The following MME variants were observed in gnomAD, a reference collection of about 807,000 sequenced individuals.
MME encodes membrane metalloendopeptidase.
In MME, 98 loss-of-function variants were observed where a neutral mutation model predicts 113.2. That is an observed-to-expected ratio of 0.87 (90% CI 0.74 to 1.02). MME has a LOEUF of 1.02. MME is among the 50% of genes least tolerant of loss of function. The probability of loss-of-function intolerance (pLI) is 0.00; values close to 1 mark genes in which losing one functional copy is unlikely to be tolerated. For missense variants in MME, 836 were observed against 896.0 expected (o/e 0.93, Z 0.86); for synonymous variants, 292 against 300.6 (o/e 0.97, Z 0.30).
At chr3:155,089,876 C>G (rs570513588) in intron 3 of MME, 1 of 451,916 alleles carries the variant, frequency 2.2e-6, no homozygotes, top group South Asian at 1.6e-5. Context: ...AGGAGAATTG[C>G]TTGAACCCAG....
At chr3:155,115,203 T>C in intron 4 of MME, 48 bp downstream of exon 4, 2 of 1,597,762 alleles carry the variant, frequency 1.3e-6, no homozygotes, top group Non-Finnish European at 1.7e-6. Flanking sequence ...TCTTAATATG[T>C]TCATTTTTTA....
chr3:155,077,938 C>T (rs1019539875), upstream of MME, among the ~76,000 whole-genome samples: 2 of 151,308 alleles, frequency 1.3e-5, no homozygotes, highest in African/African-American at 4.9e-5. Flanking sequence ...GGCATGATTG[C>T]TAACACCTGT....
At position 155,116,870 on chromosome 3, in the gene MME, G is replaced by T. The variant is rs202185476; in HGVS notation, c.538G>T (p.Ala180Ser). 39 of 1,598,760 alleles carry T rather than the reference G, an allele frequency of 2.4e-5. No individual in the cohort carries two copies. The highest frequency in any genetic ancestry group is 3.3e-5 in the Non-Finnish European group (39 of 1,166,448). ...TATTTTATCTTTTATTGCTTTAGGT[G>T]CTTCTTGGACAGCTGAAAAAGCTAT... ...ATENWEQKYG[A>S]SWTAEKAIAQ... The change falls in exon 7 of 23, where the codon GCT becomes TCT. Residue 180 changes from alanine to serine, a missense_variant and splice_region_variant. Transcript: ENST00000360490.
intron 1 of MME, among the ~76,000 whole-genome samples, chr3:155,030,685 T>C (rs1712941959): frequency 1.3e-5 from 2 of 152,236 alleles, no homozygotes; most frequent in Non-Finnish European, 2.9e-5. Flanking sequence ...TGCCAAGCAA[T>C]CCTCACAAGA....
chr3:155,122,396 G>GT (rs1719230915), intron 8 of MME, among the ~76,000 whole-genome samples: 1 of 131,688 alleles, frequency 7.6e-6, no homozygotes, highest in Non-Finnish European at 1.6e-5. Context: ...TTTTTGAAGG[G>GT]TTTTTTGTGT....
At chr3:155,130,397 TA>T (rs1433060007) in intron 8 of MME, among the ~76,000 whole-genome samples, 1 of 152,020 alleles carries the variant, frequency 6.6e-6, no homozygotes, top group Admixed American at 6.5e-5. Flanking sequence ...TTTGAGAGCA[TA>T]AGGAGGCGGG....
chr3:155,079,624 A>AGGGGGGGGG (rs1559902583), upstream of MME: 2 of 1,906 alleles, frequency 1.0e-3, no homozygotes, highest in Admixed American at 5.7e-3. Context: ...GAGGCGGGGT[A>AGGGGGGGGG]GGGGGTGGGG....
chr3:155,152,844 G>GA (rs112860597), intron 16 of MME, among the ~76,000 whole-genome samples: 217 of 139,480 alleles, frequency 1.6e-3, no homozygotes, highest in African/African-American at 4.1e-3. Context: ...CCGTCTCAAA[G>GA]AAAAAAAAAA....
At position 155,118,824 on chromosome 3, in the gene MME, A is replaced by G; in HGVS notation, c.720+13A>G. On this transcript the variant is annotated intron_variant, in intron 8 of 22. Transcript: ENST00000360490. ...AATCTATAAAGAGGTAAAAAGAAAAAAAATAATCAAAACCAAACTACAAAA... is the reference window on the plus strand; with the variant it reads ...AATCTATAAAGAGGTAAAAAGAAAAGAAATAATCAAAACCAAACTACAAAA... 6.6e-7 allele frequency: 1 copy of G among 1,506,022 alleles called. No individual in the cohort carries two copies. Among genetic ancestry groups the G allele is most frequent in the East Asian group, 2.3e-5 (1 of 43,196 alleles). The allele number at this position is 1,506,022 out of a possible 1,614,324, so 93.3% of individuals were successfully genotyped here. A position where few individuals can be genotyped will look rare whatever the true frequency, so the allele number is the denominator to read the frequency against.
chr3:155,082,139 C>T (rs769779516), intron 1 of MME, among the ~76,000 whole-genome samples: 3 of 152,146 alleles, frequency 2.0e-5, no homozygotes, highest in East Asian at 3.9e-4. Context: ...AGCTTTACTA[C>T]ACCACAAGGC....
In MME at chr3:155,172,158, A is replaced by G. The variant is rs767017304; in HGVS notation, c.2022A>G (p.Leu674=). 6.2e-7 allele frequency: 1 copy of G among 1,611,798 alleles called. No homozygotes were observed. The highest frequency in any genetic ancestry group is 1.1e-5 in the South Asian group (1 of 91,034). The part of the protein sequence containing the change: ...NYIKKNGEEK[L]LPGLDLNHKQ... ...TTAAAAAGAATGGCGAAGAAAAATT[A>G]CTTCCTGGACTTGACCTAAATCACA... Residue 674 remains leucine, a synonymous_variant, in exon 21 of 23, where the codon TTA becomes TTG. Coordinates refer to ENST00000360490, the MANE Select transcript of MME (RefSeq NM_007289.4).
intron 8 of MME, among the ~76,000 whole-genome samples, chr3:155,136,178 T>A (rs1247859217): frequency 6.6e-6 from 1 of 152,278 alleles, no homozygotes; most frequent in East Asian, 1.9e-4. Flanking sequence ...TCCAGTACTG[T>A]GCTGAATAGG....
intron 3 of MME, among the ~76,000 whole-genome samples, chr3:155,104,881 A>G (rs1559919820): frequency 6.6e-6 from 1 of 152,230 alleles, no homozygotes; most frequent in Non-Finnish European, 1.5e-5. Flanking sequence ...TTACAGTATA[A>G]TCCCTAATAG....
At chr3:155,065,169 C>T (rs1420890964) in intron 1 of MME, among the ~76,000 whole-genome samples, 2 of 152,172 alleles carry the variant, frequency 1.3e-5, no homozygotes, top group African/African-American at 2.4e-5. Flanking sequence ...TCCTTTGGCA[C>T]TTTCCTCAAA....
chr3:155,063,484 TATATATATATATTTAA>T (rs1408932683), intron 1 of MME, among the ~76,000 whole-genome samples: 29 of 93,128 alleles, frequency 3.1e-4, no homozygotes, highest in South Asian at 2.6e-3. Context: ...TTTATTATTT[TATATATATATATTTAA>T]ATATATATAT....
In MME at chr3:155,084,255, A is replaced by T; in HGVS notation, c.88A>T (p.Ser30Cys). 6.2e-7 allele frequency: 1 copy of T among 1,614,210 alleles called. No homozygotes were observed. The highest frequency in any genetic ancestry group is 8.5e-7 in the Non-Finnish European group (1 of 1,180,020). The change falls in exon 2 of 23, where the codon AGC becomes TGC. Residue 30 changes from serine (S) to cysteine (C), a missense_variant. Physicochemically the swap from Ser to Cys is moderately radical, Grantham distance 112 (BLOSUM62 -1). Coordinates refer to ENST00000360490, the MANE Select transcript of MME (RefSeq NM_007289.4). ...KKQRWTPLEI[S>C]LSVLVLLLTI... ...ACAGCGATGGACTCCACTGGAGATCAGCCTCTCGGTCCTTGTCCTGCTCCT... is the reference window on the plus strand; with the variant it reads ...ACAGCGATGGACTCCACTGGAGATCTGCCTCTCGGTCCTTGTCCTGCTCCT...
At chr3:155,144,564 T>A in intron 14 of MME, 107 bp downstream of exon 14, 1 of 715,556 alleles carries the variant, frequency 1.4e-6, no homozygotes, top group Non-Finnish European at 2.5e-6. Flanking sequence ...CATAAAAACT[T>A]GTAAGCTCCT....
intron 1 of MME, among the ~76,000 whole-genome samples, chr3:155,063,723 C>A (rs1336862430): frequency 1.2e-5 from 1 of 85,910 alleles, no homozygotes; most frequent in African/African-American, 4.5e-5. Context: ...TTATATATAC[C>A]ATTGCTTTCT....
chr3:155,118,668 A>G (rs779063512), intron 7 of MME, 78 bp from the exon 8 acceptor site: 5 of 920,374 alleles, frequency 5.4e-6, no homozygotes, highest in Non-Finnish European at 8.7e-6. Flanking sequence ...TCACATACAT[A>G]GATAGACATG....
Sources: gnomAD v4.1 joint callset for allele counts (sites outside exome capture counted in the v4.1 genomes callset) on GRCh38, gnomAD v4.1.1 for gene constraint, MANE v1.5 for transcripts, NCBI Gene and HGNC (gene_info 2026-07-23, HGNC 2026-07-21) for gene names.